Variants in MALRD1 observed in about 807,000 individuals in gnomAD.
MALRD1 encodes MAM and LDL-receptor class A domain-containing protein 1.
In MALRD1, 247 loss-of-function variants were observed where a neutral mutation model predicts 242.1. The ratio of observed to expected loss-of-function variants is 1.02; its 90% confidence interval spans 0.92 to 1.13. The LOEUF is 1.13. MALRD1 is among the 50% of genes most tolerant of loss of function. The probability of loss-of-function intolerance (pLI) is 0.00; values close to 1 mark genes in which losing one functional copy is unlikely to be tolerated. For missense variants in MALRD1, 2,989 were observed against 2,533.1 expected (o/e 1.18, Z -3.86); for synonymous variants, 995 against 866.6 (o/e 1.15, Z -2.60).
At chr10:19,573,106 T>A (rs1283249261) in intron 33 of MALRD1, among the ~76,000 whole-genome samples, 4 of 150,080 alleles carry the variant, frequency 2.7e-5, no homozygotes, top group Non-Finnish European at 6.0e-5. Flanking sequence ...TTTCTGTCTC[T>A]CTTGTTTGCT....
At chr10:19,520,735 A>G (rs370809572) in intron 31 of MALRD1, among the ~76,000 whole-genome samples, 21 of 152,022 alleles carry the variant, frequency 1.4e-4, no homozygotes, top group Admixed American at 4.6e-4. Context: ...TTTTTACCTT[A>G]GTGATGTTTC....
At chr10:19,352,617 TTC>T (rs1178225618) in intron 26 of MALRD1, among the ~76,000 whole-genome samples, 2 of 152,166 alleles carry the variant, frequency 1.3e-5, no homozygotes, top group Non-Finnish European at 2.9e-5. Context: ...CAAACATCTA[TTC>T]ACTTCCAATA....
At chr10:19,639,850 C>T (rs1261833925) in intron 36 of MALRD1, among the ~76,000 whole-genome samples, 2 of 152,046 alleles carry the variant, frequency 1.3e-5, no homozygotes, top group African/African-American at 4.8e-5. Flanking sequence ...GTTACCATTG[C>T]CCTAAAGAGT....
chr10:19,115,636 C>G (rs779945866), intron 5 of MALRD1, among the ~76,000 whole-genome samples: 1 of 151,136 alleles, frequency 6.6e-6, no homozygotes, highest in Non-Finnish European at 1.5e-5. Context: ...ATATATGTTT[C>G]TCTTTACTAT....
At chr10:19,175,163 C>CT (rs1042918709) in intron 13 of MALRD1, 45 bp from the exon 14 acceptor site, 101 of 1,178,178 alleles carry the variant, frequency 8.6e-5, no homozygotes, top group Admixed American at 2.6e-4. Flanking sequence ...TAAGACATTA[C>CT]TTTTGTGATG....
intron 38 of MALRD1, among the ~76,000 whole-genome samples, chr10:19,714,993 AC>A (rs1445465545): frequency 6.6e-6 from 1 of 152,222 alleles, no homozygotes; most frequent in African/African-American, 2.4e-5. Flanking sequence ...AGAGTTACAT[AC>A]TGTTAACATT....
chr10:19,111,965 T>A (rs547167645), intron 5 of MALRD1, among the ~76,000 whole-genome samples: 1 of 151,962 alleles, frequency 6.6e-6, no homozygotes, highest in Non-Finnish European at 1.5e-5. Flanking sequence ...ATGTGAGAGA[T>A]TGTAAAATTA....
chr10:19,296,219 G>A (rs1322864290), intron 21 of MALRD1, among the ~76,000 whole-genome samples: 1 of 152,178 alleles, frequency 6.6e-6, no homozygotes, highest in East Asian at 1.9e-4. Flanking sequence ...TTTTTCACCT[G>A]TTACCTTTTT....
intron 12 of MALRD1, 124 bp downstream of exon 12, chr10:19,155,296 C>A: frequency 2.3e-6 from 1 of 437,822 alleles, no homozygotes; most frequent in Non-Finnish European, 3.8e-6. Flanking sequence ...AAGAGATTTA[C>A]ATGCGCTATT....
At chr10:19,205,430 A>G (rs1836741559) in intron 17 of MALRD1, among the ~76,000 whole-genome samples, 165 bp downstream of exon 17, 1 of 151,326 alleles carries the variant, frequency 6.6e-6, no homozygotes, top group Non-Finnish European at 1.5e-5. Context: ...TTTTAAGAGG[A>G]TTTATTAGAT....
intron 29 of MALRD1, among the ~76,000 whole-genome samples, chr10:19,482,170 T>A (rs1564378879): frequency 6.6e-6 from 1 of 152,062 alleles, no homozygotes; most frequent in Non-Finnish European, 1.5e-5. Flanking sequence ...GTTCAAATCA[T>A]TATCTTGGTC....
intron 24 of MALRD1, among the ~76,000 whole-genome samples, chr10:19,342,391 A>T (rs991395248): frequency 6.6e-6 from 1 of 152,174 alleles, no homozygotes; most frequent in Non-Finnish European, 1.5e-5. Context: ...TTTGGTAAAC[A>T]TTAGGCACCC....
chr10:19,606,050 A>G (rs1215281112), intron 34 of MALRD1, among the ~76,000 whole-genome samples: 1 of 152,136 alleles, frequency 6.6e-6, no homozygotes, highest in Non-Finnish European at 1.5e-5. Context: ...TCTTAAAAAC[A>G]CTATTTTTTT....
rs1325538091 is a variant in MALRD1, at chr10:19,352,259, A to C, written c.4403A>C (p.Asp1468Ala). 7.7e-6 allele frequency: 12 copies of C among 1,550,214 alleles called. No individual in the cohort carries two copies. The highest frequency in any genetic ancestry group is 9.6e-6 in the Non-Finnish European group (11 of 1,146,850). Residue 1468 changes from aspartate to alanine, a missense_variant, in exon 26 of 40, where the codon GAT becomes GCT. Physicochemically the swap from Asp to Ala is moderately radical, Grantham distance 126 (BLOSUM62 -2). Coordinates refer to ENST00000454679, the MANE Select transcript of MALRD1 (RefSeq NM_001142308.3). ...ACAGAAAATTGTCTATCACTCCATG[A>C]TTCCGTGCAAGAAGAACTGGCAGTG... is the stretch of plus-strand genomic sequence containing the variant. ...VLTENCLSLHDSVQEELAVPL... is the reference protein window; with the variant it reads ...VLTENCLSLHASVQEELAVPL...
At chr10:19,440,186 C>A (rs1411569173) in intron 28 of MALRD1, among the ~76,000 whole-genome samples, 3 of 152,010 alleles carry the variant, frequency 2.0e-5, no homozygotes, top group Non-Finnish European at 4.4e-5. Flanking sequence ...GCATTGACTT[C>A]GGGAGAGTTC....
chr10:19,569,282 C>T (rs973424962), intron 33 of MALRD1, among the ~76,000 whole-genome samples: 2 of 151,984 alleles, frequency 1.3e-5, no homozygotes, highest in Non-Finnish European at 2.9e-5. Flanking sequence ...TTTCTCATTT[C>T]CTGGCACCAA....
intron 5 of MALRD1, among the ~76,000 whole-genome samples, chr10:19,116,129 T>C (rs962687909): frequency 1.1e-4 from 16 of 151,976 alleles, no homozygotes; most frequent in African/African-American, 1.7e-4. Context: ...AAGTAGCTAG[T>C]ATGAAAAAAA....
chr10:19,096,354 A>C (rs1258168129), intron 4 of MALRD1, among the ~76,000 whole-genome samples: 1 of 152,186 alleles, frequency 6.6e-6, no homozygotes, highest in Non-Finnish European at 1.5e-5. Context: ...TAAATGTACC[A>C]GTGGCTTCAA....
rs1395995990 is a variant in MALRD1 at position 19,567,667 on chromosome 10, G to C, written c.5644G>C (p.Asp1882His). ...DGNEDIFIAL[D>H]DISFTPECVT... ...AAATGAGGACATCTTTATTGCTCTTGATGACATCTCTTTTACCCCAGAGTG... is the reference window on the plus strand; with the variant it reads ...AAATGAGGACATCTTTATTGCTCTTCATGACATCTCTTTTACCCCAGAGTG... Residue 1882 changes from aspartate to histidine, a missense_variant, in exon 33 of 40, where the codon GAT (aspartate) becomes CAT (histidine). Coordinates refer to ENST00000454679, the MANE Select transcript of MALRD1 (RefSeq NM_001142308.3). 1.9e-6 allele frequency: 3 copies of C among 1,550,590 alleles called. No individual in the cohort carries two copies. Among genetic ancestry groups the C allele is most frequent in the Non-Finnish European group, 2.6e-6 (3 of 1,146,904 alleles).
Sources: allele counts gnomAD v4.1 joint callset (sites outside exome capture counted in the v4.1 genomes callset), GRCh38; gene constraint gnomAD v4.1.1; transcripts MANE v1.5; gene names NCBI Gene and HGNC (gene_info 2026-07-23, HGNC 2026-07-21).